The following PCSK5 variants were observed in gnomAD, a reference collection of about 807,000 sequenced individuals.
PCSK5 encodes the protein proprotein convertase subtilisin/kexin type 5.
PCSK5 carries 129 observed loss-of-function variants against 233.2 expected under a neutral mutation model. The ratio of observed to expected loss-of-function variants is 0.55; its 90% CI spans 0.48 to 0.64. PCSK5 has a LOEUF of 0.64. PCSK5 is among the 30% of genes least tolerant of loss of function. The pLI is 0.00. For synonymous variants in PCSK5, 825 were observed against 879.2 expected (o/e 0.94, Z 1.09); for missense variants, 2,076 against 2,430.1 (o/e 0.85, Z 3.06).
At chr9:76,135,943 G>A (rs1030701840) in intron 10 of PCSK5, among the ~76,000 whole-genome samples, 1 of 152,040 alleles carries the variant, frequency 6.6e-6, no homozygotes, top group African/African-American at 2.4e-5. Context: ...GTTTAGGAGA[G>A]GGGGAGACAG....
At chr9:76,125,192 A>T (rs909931027) in intron 9 of PCSK5, among the ~76,000 whole-genome samples, 1 of 152,128 alleles carries the variant, frequency 6.6e-6, no homozygotes, top group African/African-American at 2.4e-5. Flanking sequence ...GCACAGACTT[A>T]CTCAAATCTG....
chr9:76,351,469 A>AAAG (rs1436084463), intron 36 of PCSK5, among the ~76,000 whole-genome samples: 3 of 68,836 alleles, frequency 4.4e-5, no homozygotes, highest in African/African-American at 1.4e-4. Flanking sequence ...AGAAAGAAAG[A>AAAG]AAGAAAGAAA....
intron 30 of PCSK5, among the ~76,000 whole-genome samples, chr9:76,315,526 T>TA (rs1273646019): frequency 6.6e-6 from 1 of 152,096 alleles, no homozygotes; most frequent in Non-Finnish European, 1.5e-5. Context: ...TCAAAAGAAA[T>TA]ATTCGTCTTC....
chr9:76,255,569 C>T (rs941080469), intron 24 of PCSK5, among the ~76,000 whole-genome samples: 4 of 152,172 alleles, frequency 2.6e-5, no homozygotes, highest in Non-Finnish European at 4.4e-5. Flanking sequence ...ACCTGTAATC[C>T]TAGCACTTTG....
chr9:76,184,776 T>A lies in PCSK5; in HGVS notation c.2282+19T>A. The A allele has an allele frequency of 2.1e-6, 3 of 1,447,434 alleles. No homozygotes were observed. The highest frequency in any genetic ancestry group is 2.9e-6 in the Non-Finnish European group (3 of 1,033,692). The allele number at this position is 1,447,434 out of a possible 1,614,324, so 89.7% of individuals were successfully genotyped here. On this transcript the variant is annotated intron_variant, in intron 17 of 37. Coordinates refer to ENST00000674117, the MANE Select transcript of PCSK5 (RefSeq NM_001372043.1). ...GGTTAAGGTAAGAGAGTGAAGGATT[T>A]TATCAAGTAACACAGCCCAAAGAGC...
intron 24 of PCSK5, among the ~76,000 whole-genome samples, chr9:76,241,029 C>T (rs181783692): frequency 3.3e-5 from 5 of 152,318 alleles, no homozygotes; most frequent in Admixed American, 2.0e-4. Context: ...CAAGGTGACA[C>T]ATTTGGAAGA....
At chr9:76,032,244 G>A (rs373848389) in intron 5 of PCSK5, among the ~76,000 whole-genome samples, 1 of 152,134 alleles carries the variant, frequency 6.6e-6, no homozygotes, top group African/African-American at 2.4e-5. Context: ...TGTCATACTT[G>A]CCTGCGTTTG....
intron 24 of PCSK5, among the ~76,000 whole-genome samples, chr9:76,268,170 G>C (rs1444770570): frequency 6.6e-6 from 1 of 152,176 alleles, no homozygotes; most frequent in Non-Finnish European, 1.5e-5. Context: ...CTGCTTCTAA[G>C]TTTCTTTCCT....
rs540496227 is a variant in PCSK5, at chr9:76,228,957, A to G, written c.2729+1352A>G. ...ATTGAACTTGATGAAGTGTGGAATC[A>G]ATATCATAGGTTTGGCTCTCCAAAT... is the stretch of plus-strand genomic sequence containing the variant. On this transcript the variant is annotated intron_variant, in intron 21 of 37. Transcript: ENST00000674117. Among the ~76,000 whole-genome samples, 354 of 152,310 alleles carry G rather than the reference A, an allele frequency of 2.3e-3. 2 individuals are homozygous for G. The highest frequency in any genetic ancestry group is 7.7e-3 in the African/African-American group (320 of 41,552).
At chr9:76,003,899 C>G (rs984236083) in intron 3 of PCSK5, among the ~76,000 whole-genome samples, 4 of 152,126 alleles carry the variant, frequency 2.6e-5, no homozygotes, top group African/African-American at 9.7e-5. Flanking sequence ...GCAAAAAACT[C>G]CTGGGCTCAG....
At chr9:75,907,808 A>G (rs1410174587) in intron 1 of PCSK5, among the ~76,000 whole-genome samples, 3 of 152,226 alleles carry the variant, frequency 2.0e-5, no homozygotes, top group African/African-American at 7.2e-5. Context: ...ACAATTTCCA[A>G]TCACGGGCAA....
At chr9:76,036,540 A>C (rs1313473118) in intron 5 of PCSK5, among the ~76,000 whole-genome samples, 1 of 152,182 alleles carries the variant, frequency 6.6e-6, no homozygotes, top group African/African-American at 2.4e-5. Flanking sequence ...TCACCACGTC[A>C]GTTTCTCCAT....
intron 21 of PCSK5, among the ~76,000 whole-genome samples, chr9:76,228,997 GAGGA>G (rs1825986603): frequency 6.6e-6 from 1 of 152,152 alleles, no homozygotes; most frequent in East Asian, 1.9e-4. Context: ...CCCTCAGAAA[GAGGA>G]AGGAAGAAAG....
chr9:75,908,937 C>CTATCTA lies in PCSK5; in HGVS notation c.192+17565_192+17566insATCTAT, dbSNP rs1564074980. On this transcript the variant is annotated intron_variant, in intron 1 of 37. Coordinates refer to ENST00000674117, the MANE Select transcript of PCSK5 (RefSeq NM_001372043.1). ...TATCTATCTATCTCTCTATCTCTCT[C>CTATCTA]TCTGTCTATCTATCTATCTATCTAT... is the stretch of plus-strand genomic sequence containing the variant. Among the ~76,000 whole-genome samples the CTATCTA allele has an allele frequency of 8.6e-4, 77 of 89,572 alleles. 1 individual carries two copies. Among genetic ancestry groups the CTATCTA allele is most frequent in the Admixed American group, 3.9e-3 (32 of 8,102 alleles). 58.8% of individuals were successfully genotyped at this position (89,572 alleles called of 152,430 possible).
intron 20 of PCSK5, 36 bp downstream of exon 20, chr9:76,189,782 A>C (rs1259753407): frequency 9.2e-7 from 1 of 1,088,974 alleles, no homozygotes; most frequent in Admixed American, 1.9e-5. Flanking sequence ...TTATGAAGCA[A>C]AGTATGATCT....
At chr9:76,134,281 C>A in intron 10 of PCSK5, 69 bp downstream of exon 10, 2 of 956,730 alleles carry the variant, frequency 2.1e-6, no homozygotes, top group Non-Finnish European at 3.2e-6. Flanking sequence ...AAATGGAGAG[C>A]AGGAAACAGA....
chr9:76,192,508 G>GA (rs1200249166), intron 20 of PCSK5, among the ~76,000 whole-genome samples: 1 of 152,164 alleles, frequency 6.6e-6, no homozygotes, highest in Non-Finnish European at 1.5e-5. Context: ...CTTTTGACCA[G>GA]AAAACTGATG....
intron 7 of PCSK5, among the ~76,000 whole-genome samples, chr9:76,088,765 A>G (rs1444479328): frequency 6.6e-6 from 1 of 152,218 alleles, no homozygotes; most frequent in African/African-American, 2.4e-5. Flanking sequence ...GTGCATCACC[A>G]AGAATGCTTT....
At chr9:76,248,643 G>A (rs756845448) in intron 24 of PCSK5, among the ~76,000 whole-genome samples, 2 of 152,150 alleles carry the variant, frequency 1.3e-5, no homozygotes, top group Non-Finnish European at 2.9e-5. Flanking sequence ...ACAATTAATA[G>A]TTAATTACAA....
Sources: gnomAD v4.1 joint callset for allele counts (sites outside exome capture counted in the v4.1 genomes callset) on GRCh38, gnomAD v4.1.1 for gene constraint, MANE v1.5 for transcripts, NCBI Gene and HGNC (gene_info 2026-07-23, HGNC 2026-07-21) for gene names.